The following ZNF354A variants were observed in gnomAD, a reference collection of about 807,000 sequenced individuals.
ZNF354A encodes the protein epididymis luminal protein 104.
In ZNF354A, 25 loss-of-function variants were observed where a neutral mutation model predicts 53.3. The observed-to-expected ratio is 0.47, with a 90% CI of 0.34 to 0.66. ZNF354A has a LOEUF of 0.66. ZNF354A is among the 30% of genes least tolerant of loss of function. ZNF354A has a pLI of 0.01. For synonymous variants in ZNF354A, 228 were observed against 249.0 expected, an observed-to-expected ratio of 0.92 and a Z score of 0.79; for missense variants, 586 against 716.8, an observed-to-expected ratio of 0.82 and a Z score of 2.08.
intron 2 of ZNF354A, among the ~76,000 whole-genome samples, chr5:178,727,369 G>A (rs1216473220): frequency 6.6e-6 from 1 of 152,194 alleles, no homozygotes; most frequent in Non-Finnish European, 1.5e-5. Context: ...ATTAGTGGGA[G>A]TGTTAATTAG....
rs1006036146 is a variant in ZNF354A, at chr5:178,712,638, C to T, written c.1240G>A (p.Glu414Lys). ...HTGEKPYRCN[E>K]CGKGFTSISR... The stretch of plus-strand genomic sequence containing the variant: ...ATAGAAGTAAAGCCTTTCCCACATT[C>T]ATTGCATCTATAGGGCTTTTCTCCG... The change falls in exon 5 of 5, where the codon GAA (glutamate) becomes AAA (lysine). Residue 414 changes from glutamate (E) to lysine (K), a missense_variant. Coordinates refer to ENST00000335815, the MANE Select transcript of ZNF354A (RefSeq NM_005649.3). 5.6e-6 allele frequency: 9 copies of T among 1,614,010 alleles called. No individual in the cohort carries two copies. The highest frequency in any genetic ancestry group is 6.8e-6 in the Non-Finnish European group (8 of 1,180,022).
chr5:178,725,797 T>A (rs1051361027), intron 3 of ZNF354A, among the ~76,000 whole-genome samples: 2 of 152,232 alleles, frequency 1.3e-5, no homozygotes, highest in African/African-American at 4.8e-5. Flanking sequence ...AGGTTATCTA[T>A]GAAAAGGATT....
In ZNF354A at chr5:178,725,488, A is replaced by C. The variant is rs1375354016; in HGVS notation, c.161-17T>G. 1 of 1,611,360 alleles carries C rather than the reference A, an allele frequency of 6.2e-7. No homozygotes were observed. The highest frequency in any genetic ancestry group is 1.3e-5 in the African/African-American group (1 of 74,814). On this transcript the variant is annotated splice_polypyrimidine_tract_variant and intron_variant, in intron 3 of 4. Coordinates refer to ENST00000335815, the MANE Select transcript of ZNF354A (RefSeq NM_005649.3). ...ATGGGAGCCCTGCACATAAACAAAA[A>C]ACCACAACCAAACAAATCAGACTTG... is the stretch of plus-strand genomic sequence containing the variant.
rs1765628924 is a variant in ZNF354A at position 178,712,081 on chromosome 5, A to C, written c.1797T>G (p.Ile599Met). Residue 599 changes from isoleucine (I) to methionine (M), a missense_variant, in exon 5 of 5, where the codon ATT becomes ATG. This residue lies in a region of ZNF354A where 573 missense variants were observed against 680.1 expected (regional missense o/e 0.84). Transcript: ENST00000335815. ...HRSSLTNHYK[I>M]HIEEDP ...CTTTCTAGGGGTCCTCTTCGATATG[A>C]ATTTTATAATGATTAGTAAGGGATG... 7 of 1,597,616 alleles carry C rather than the reference A, an allele frequency of 4.4e-6. No individual in the cohort carries two copies. The highest frequency in any genetic ancestry group is 5.1e-6 in the Non-Finnish European group (6 of 1,171,604).
At chr5:178,716,951 C>T (rs915950760) in intron 4 of ZNF354A, among the ~76,000 whole-genome samples, 7 of 151,690 alleles carry the variant, frequency 4.6e-5, no homozygotes, top group Non-Finnish European at 8.8e-5. Context: ...TGGTGGCACA[C>T]GCCCATAATC....
In ZNF354A at chr5:178,727,083, C is replaced by G. The variant is rs1561621946; in HGVS notation, c.76G>C (p.Asp26His). 6.2e-7 allele frequency: 1 copy of G among 1,614,182 alleles called. No homozygotes were observed. Among genetic ancestry groups the G allele is most frequent in the Non-Finnish European group, 8.5e-7 (1 of 1,180,018 alleles). ...FEDVAVLFTR[D>H]EWRKLAPSQR... ...GAAGGGGCCAGCTTTCTCCACTCAT[C>G]TCGGGTAAACAGCACAGCCACATCC... Residue 26 changes from aspartate (D) to histidine (H), a missense_variant, in exon 3 of 5, where the codon GAT becomes CAT. Physicochemically the swap from Asp to His is moderately conservative, Grantham distance 81. Coordinates refer to ENST00000335815, the MANE Select transcript of ZNF354A (RefSeq NM_005649.3).
intron 2 of ZNF354A, among the ~76,000 whole-genome samples, chr5:178,728,138 G>A (rs539007910): frequency 6.6e-5 from 10 of 152,102 alleles, no homozygotes; most frequent in South Asian, 2.1e-4. Flanking sequence ...CACTGTGGCC[G>A]GCTGACTTCT....
In ZNF354A at chr5:178,724,867, C is replaced by T. The variant is rs118125437; in HGVS notation, c.256+509G>A. On this transcript the variant is annotated intron_variant, in intron 4 of 4. Transcript: ENST00000335815. ...TCAGGGTGGTGATGCTCACAGGTCC[C>T]TTAGCTGTTCTTACACGGATGGAGA... is the stretch of plus-strand genomic sequence containing the variant. Among the ~76,000 whole-genome samples the T allele has an allele frequency of 6.9e-4, 105 of 152,340 alleles. No individual in the cohort carries two copies. In the East Asian group the frequency reaches 0.016, roughly 23 times the overall value.
At chr5:178,723,801 A>T (rs1441898266) in intron 4 of ZNF354A, among the ~76,000 whole-genome samples, 2 of 145,580 alleles carry the variant, frequency 1.4e-5, no homozygotes, top group African/African-American at 5.1e-5. Flanking sequence ...GAGCCCCCCC[A>T]GTTCAACCAC....
In ZNF354A at chr5:178,712,413, T is replaced by C. The variant is rs1765636413; in HGVS notation, c.1465A>G (p.Thr489Ala). The C allele has an allele frequency of 6.2e-7, 1 of 1,613,782 alleles. No individual in the cohort carries two copies. The highest frequency in any genetic ancestry group is 8.5e-7 in the Non-Finnish European group (1 of 1,179,816). The part of the protein sequence containing the change: ...SALIQHQRMH[T>A]GERPYKCNEC... ...TTACATTTATAGGGTCTTTCTCCAG[T>C]ATGCATTCTCTGATGTTGAATGAGA... Residue 489 changes from threonine (T) to alanine (A), a missense_variant, in exon 5 of 5, where the codon ACT (threonine) becomes GCT (alanine). Thr to Ala is a moderately conservative substitution (Grantham distance 58). Transcript: ENST00000335815.
intron 4 of ZNF354A, among the ~76,000 whole-genome samples, chr5:178,717,739 A>G (rs1765740466): frequency 6.6e-6 from 1 of 152,220 alleles, no homozygotes; most frequent in Non-Finnish European, 1.5e-5. Context: ...GGAATCACTT[A>G]GACACTGAAA....
chr5:178,726,983 G>A lies in ZNF354A; in HGVS notation c.160+16C>T, dbSNP rs775380779. The stretch of plus-strand genomic sequence containing the variant: ...CCAATTTTTGAATTCTGTTTCTAGA[G>A]GGAAAATTTCCTTACCCAGTGAGAC... On this transcript the variant is annotated intron_variant, in intron 3 of 4. Transcript: ENST00000335815. 1 of 1,593,892 alleles carries A rather than the reference G, an allele frequency of 6.3e-7. No individual in the cohort carries two copies. Among genetic ancestry groups the A allele is most frequent in the African/African-American group, 1.3e-5 (1 of 74,086 alleles).
chr5:178,713,183 T>C lies in ZNF354A; in HGVS notation c.695A>G (p.His232Arg). ...TFINTSSLRK[H>R]EKNHSGEKLF... ...TTTCTCTCCACTATGGTTTTTCTCA[T>C]GTTTACGAAGGGATGAAGTGTTAAT... Residue 232 changes from histidine (H) to arginine (R), a missense_variant, in exon 5 of 5, where the codon CAT becomes CGT. By Grantham distance (29) the His-to-Arg change is conservative (BLOSUM62 0). Around this residue, in one of 2 missense-constraint regions of ZNF354A, gnomAD observed 573 missense variants for 680.1 expected, o/e 0.84. Coordinates refer to ENST00000335815, the MANE Select transcript of ZNF354A (RefSeq NM_005649.3). 6.2e-7 allele frequency: 1 copy of C among 1,614,176 alleles called. No individual in the cohort carries two copies.
In ZNF354A at chr5:178,713,492, T is replaced by G; in HGVS notation, c.386A>C (p.Glu129Ala). The G allele has an allele frequency of 6.2e-7, 1 of 1,613,924 alleles. No homozygotes were observed. Among genetic ancestry groups the G allele is most frequent in the Non-Finnish European group, 8.5e-7 (1 of 1,179,982 alleles). ...ATCCTGCTTTTTCTCTAATCTGCCT[T>G]CATATATGTAAGGCTTTTCTAATTT... ...DLKLEKPYIY[E>A]GRLEKKQDKK... Residue 129 changes from glutamate (E) to alanine (A), a missense_variant, in exon 5 of 5, where the codon GAA (glutamate) becomes GCA (alanine). Around this residue, in one of 2 missense-constraint regions of ZNF354A, gnomAD observed 573 missense variants for 680.1 expected, o/e 0.84. Transcript: ENST00000335815.
intron 4 of ZNF354A, among the ~76,000 whole-genome samples, chr5:178,721,790 T>C (rs1167515595): frequency 6.6e-6 from 1 of 152,186 alleles, no homozygotes; most frequent in African/African-American, 2.4e-5. Flanking sequence ...ACAGACGACC[T>C]ACTCAAAAGA....
At position 178,713,982 on chromosome 5, in the gene ZNF354A, T is replaced by G. The variant is rs1581742003; in HGVS notation, c.257-361A>C. Among the ~76,000 whole-genome samples the G allele has an allele frequency of 2.2e-5, 3 of 134,714 alleles. No homozygotes were observed. The South Asian group carries it at 8.1e-4, about 37-fold the overall frequency. 88.4% of individuals were successfully genotyped at this position (134,714 alleles called of 152,430 possible). ...CCCATGATGGAATCCTAATTTTTTT[T>G]TGTTTTTTTTTTTTGACATTTATCT... On this transcript the variant is annotated intron_variant, in intron 4 of 4. Transcript: ENST00000335815.
chr5:178,718,867 G>C (rs1765760511), intron 4 of ZNF354A, among the ~76,000 whole-genome samples: 1 of 152,112 alleles, frequency 6.6e-6, no homozygotes, highest in Admixed American at 6.5e-5. Context: ...TGAGCAGCAG[G>C]AACTACGGGT....
chr5:178,722,461 C>A lies in ZNF354A; in HGVS notation c.256+2915G>T, dbSNP rs549552125. Among the ~76,000 whole-genome samples, 26 of 152,322 alleles carry A rather than the reference C, an allele frequency of 1.7e-4. No individual in the cohort carries two copies. The South Asian group carries it at 5.4e-3, about 32-fold the overall frequency. On this transcript the variant is annotated intron_variant, in intron 4 of 4. Transcript: ENST00000335815. ...CACTGAATGACATCACCAACCGTCA[C>A]AGAACAAACCAGAAACCAAGCAAGC...
intron 4 of ZNF354A, among the ~76,000 whole-genome samples, chr5:178,721,873 C>T (rs949877306): frequency 2.0e-5 from 3 of 152,182 alleles, no homozygotes; most frequent in East Asian, 3.8e-4. Context: ...TGGTCAACCC[C>T]TTGTCTCTGT....
Sources: allele counts gnomAD v4.1 joint callset (sites outside exome capture counted in the v4.1 genomes callset), GRCh38; gene constraint gnomAD v4.1.1; regional missense constraint gnomAD v4.1.1; transcripts MANE v1.5; gene names NCBI Gene and HGNC (gene_info 2026-07-23, HGNC 2026-07-21).